The following TERF2 variants were observed in gnomAD, a reference collection of about 807,000 sequenced individuals.
The protein encoded by TERF2 is telomeric repeat binding factor 2.
In TERF2, 16 loss-of-function variants were observed where a neutral mutation model predicts 56.1. The observed-to-expected ratio is 0.29, with a 90% CI of 0.19 to 0.43. TERF2 has a LOEUF of 0.43. TERF2 is among the 20% of genes least tolerant of loss of function. The pLI is 1.00. For missense variants in TERF2, 547 were observed against 712.9 expected (o/e 0.77, Z 2.65); for synonymous variants, 296 against 282.1 (o/e 1.05, Z -0.50).
In TERF2 at chr16:69,385,489, G is replaced by A. The variant is rs770220080; in HGVS notation, c.380-3C>T. 2 of 1,614,046 alleles carry A rather than the reference G, an allele frequency of 1.2e-6. No individual in the cohort carries two copies. Among genetic ancestry groups the A allele is most frequent in the South Asian group, 1.1e-5 (1 of 91,082 alleles). ...CCCCAAGGGCCTGACAAGCAAAGCTGGGAGAGAAGACATCGTTGGCTGGGC... is the reference window on the plus strand; with the variant it reads ...CCCCAAGGGCCTGACAAGCAAAGCTAGGAGAGAAGACATCGTTGGCTGGGC... On this transcript the variant is annotated splice_region_variant and splice_polypyrimidine_tract_variant and intron_variant, in intron 1 of 9. Coordinates refer to ENST00000254942, the MANE Select transcript of TERF2 (RefSeq NM_005652.5).
intron 3 of TERF2, among the ~76,000 whole-genome samples, chr16:69,374,472 A>G (rs2013693861): frequency 6.6e-6 from 1 of 151,530 alleles, no homozygotes; most frequent in South Asian, 2.1e-4. Flanking sequence ...TCTACAAAAA[A>G]GTAGCCAGGC....
chr16:69,365,078 T>C (rs1327345000), intron 7 of TERF2: 1 of 152,246 alleles, frequency 6.6e-6, no homozygotes, highest in Non-Finnish European at 1.5e-5. Context: ...TTCATATCCT[T>C]GACATATGAG....
chr16:69,379,213 T>C (rs2013906530), intron 3 of TERF2, among the ~76,000 whole-genome samples: 2 of 152,130 alleles, frequency 1.3e-5, no homozygotes, highest in South Asian at 4.1e-4. Flanking sequence ...AACTGAAGAA[T>C]AAAGAAGCAG....
intron 3 of TERF2, among the ~76,000 whole-genome samples, chr16:69,382,176 GA>G (rs1184547662): frequency 6.6e-6 from 1 of 152,246 alleles, no homozygotes; most frequent in Non-Finnish European, 1.5e-5. Context: ...GACCTCCAGA[GA>G]TCCCTAGACC....
chr16:69,375,953 T>C (rs1171015545), intron 3 of TERF2, among the ~76,000 whole-genome samples: 2 of 152,210 alleles, frequency 1.3e-5, no homozygotes, highest in East Asian at 3.8e-4. Flanking sequence ...CTTCATATAC[T>C]CTAGATACCA....
At chr16:69,370,310 C>T (rs1409054062) in intron 5 of TERF2, 173 bp downstream of exon 5, 28 of 874,706 alleles carry the variant, frequency 3.2e-5, no homozygotes, top group Admixed American at 1.9e-4. Context: ...GGATTACAGG[C>T]GTGAGCCATT....
intron 7 of TERF2, chr16:69,366,014 C>T (rs1345049025): frequency 2.0e-5 from 3 of 152,160 alleles, no homozygotes; most frequent in Non-Finnish European, 4.4e-5. Flanking sequence ...TATATCATCA[C>T]CTCACAGAGT....
intron 3 of TERF2, among the ~76,000 whole-genome samples, chr16:69,374,987 G>C (rs1409061095): frequency 6.6e-6 from 1 of 151,970 alleles, no homozygotes; most frequent in African/African-American, 2.4e-5. Flanking sequence ...CAAAAAAGCC[G>C]TAAGTGTGTA....
intron 2 of TERF2, 123 bp downstream of exon 2, chr16:69,385,268 T>C (rs183311789): frequency 1.2e-6 from 1 of 813,452 alleles, no homozygotes; most frequent in Non-Finnish European, 2.0e-6. Context: ...CATCGTAGAA[T>C]GAAAAAGACC....
intron 4 of TERF2, among the ~76,000 whole-genome samples, chr16:69,371,124 G>A (rs2013557921): frequency 6.6e-6 from 1 of 151,860 alleles, no homozygotes; most frequent in South Asian, 2.1e-4. Context: ...ACAGATGAGA[G>A]TATTTTCACC....
At chr16:69,366,554 G>C (rs921019306) in intron 7 of TERF2, 59 of 472,562 alleles carry the variant, frequency 1.2e-4, no homozygotes, top group Non-Finnish European at 4.5e-5. Flanking sequence ...AAGCAGCGAT[G>C]AGTAGGAGGC....
intron 8 of TERF2, among the ~76,000 whole-genome samples, chr16:69,360,230 C>G (rs1042849671): frequency 1.3e-4 from 20 of 151,802 alleles, no homozygotes; most frequent in African/African-American, 4.3e-4. Context: ...ACTAAAAATA[C>G]AAAAATTAGC....
Position 69,356,678 on chromosome 16 carries a change from T to C in TERF2, c.*220A>G, listed in dbSNP as rs56106543. ...AGCCGGGCGTGATGGCGGGCGCCTG[T>C]AGTCCCAGCTACTCGGGAGGCTGAG... On this transcript the variant is annotated 3_prime_UTR_variant, in exon 10 of 10. Coordinates refer to ENST00000254942, the MANE Select transcript of TERF2 (RefSeq NM_005652.5). 0.045 allele frequency: 19,542 copies of C among 438,718 alleles called. 542 individuals carry two copies. Among genetic ancestry groups the C allele is most frequent in the South Asian group, 0.06 (1,799 of 29,810 alleles). The allele number at this position is 438,718 out of a possible 1,614,324, so 27.2% of individuals were successfully genotyped here.
chr16:69,376,379 G>A (rs763057163), intron 3 of TERF2, among the ~76,000 whole-genome samples: 3 of 152,106 alleles, frequency 2.0e-5, no homozygotes, highest in Non-Finnish European at 4.4e-5. Flanking sequence ...TCTGTTTTTA[G>A]ATGCTCTCTT....
intron 3 of TERF2, among the ~76,000 whole-genome samples, chr16:69,374,506 T>C (rs1334452345): frequency 1.3e-5 from 2 of 151,002 alleles, no homozygotes; most frequent in Non-Finnish European, 3.0e-5. Context: ...CCTGTGGTCC[T>C]AGCTACTCGG....
intron 8 of TERF2, among the ~76,000 whole-genome samples, chr16:69,360,392 A>T (rs2142707682): frequency 6.6e-6 from 1 of 152,014 alleles, no homozygotes; most frequent in African/African-American, 2.4e-5. Context: ...CTCAAAAAAA[A>T]AAAAGAAAAA....
intron 3 of TERF2, among the ~76,000 whole-genome samples, chr16:69,382,545 T>C (rs1176488278): frequency 6.6e-6 from 1 of 152,216 alleles, no homozygotes; most frequent in Non-Finnish European, 1.5e-5. Flanking sequence ...GAGCATATGG[T>C]GGAAGTGATA....
At chr16:69,373,068 T>C (rs965118147) in intron 3 of TERF2, among the ~76,000 whole-genome samples, 6 of 152,006 alleles carry the variant, frequency 3.9e-5, no homozygotes, top group African/African-American at 1.2e-4. Context: ...GGATATACTG[T>C]AGGCGGAAAG....
At position 69,366,793 on chromosome 16, in the gene TERF2, G is replaced by C; in HGVS notation, c.1340+14C>G. ...CAACCAGCCCCAAAATTTCTACAAA[G>C]AAGGTCTTCATACTTGGGATTCTTC... On this transcript the variant is annotated intron_variant, in intron 7 of 9. Transcript: ENST00000254942. The C allele has an allele frequency of 6.3e-7, 1 of 1,586,088 alleles. No homozygotes were observed. Among genetic ancestry groups the C allele is most frequent in the African/African-American group, 1.4e-5 (1 of 73,834 alleles).
Sources: allele counts gnomAD v4.1 joint callset (sites outside exome capture counted in the v4.1 genomes callset), GRCh38; gene constraint gnomAD v4.1.1; transcripts MANE v1.5; gene names NCBI Gene and HGNC (gene_info 2026-07-23, HGNC 2026-07-21).